Variants in KLF8 observed in about 807,000 individuals in gnomAD.
KLF8 encodes the protein KLF transcription factor 8, also known as Krueppel-like factor 8.
In KLF8, 10 loss-of-function variants were observed where a neutral mutation model predicts 18.2. That is an observed-to-expected ratio of 0.55 (90% CI 0.34 to 0.93). The LOEUF (loss-of-function observed/expected upper bound fraction) is 0.93, where lower values mean the gene tolerates loss of function less well. Among genes scored for constraint, KLF8 ranks in the 40% least tolerant of loss-of-function variants. KLF8 has a pLI of 0.02. For synonymous variants in KLF8, 109 were observed against 97.3 expected, an observed-to-expected ratio of 1.12 and a Z score of -0.71; for missense variants, 264 against 277.9, an observed-to-expected ratio of 0.95 and a Z score of 0.36.
chrX:56,090,287 G>A, the KLF8 span, among the ~76,000 whole-genome samples: 9 of 111,822 alleles, frequency 8.0e-5, no homozygotes, highest in African/African-American at 2.6e-4. Context: ...CAACCTAACT[G>A]CTAGACAGAA....
chrX:55,999,885 TA>T, the KLF8 span, among the ~76,000 whole-genome samples: 2 of 112,235 alleles, frequency 1.8e-5, no homozygotes, highest in African/African-American at 3.2e-5. Flanking sequence ...CTAAGTTGAA[TA>T]GAAATGTTCA....
At chrX:56,084,025 G>T in the KLF8 span, among the ~76,000 whole-genome samples, 1 of 111,393 alleles carries the variant, frequency 9.0e-6, no homozygotes. Context: ...AATTTTACAA[G>T]ACAGGAACAA....
At chrX:56,185,711 G>A in the KLF8 span, among the ~76,000 whole-genome samples, 5,080 of 111,613 alleles carry the variant, frequency 0.046, 296 homozygotes, top group African/African-American at 0.16. Flanking sequence ...GAGAGTGGGG[G>A]CCAATATTCA....
chrX:56,102,877 A>G, the KLF8 span, among the ~76,000 whole-genome samples: 64 of 105,766 alleles, frequency 6.1e-4, no homozygotes, highest in East Asian at 0.01. Context: ...CATTAGGTAT[A>G]TCTCCTAATG....
the KLF8 span, among the ~76,000 whole-genome samples, chrX:56,065,145 A>G: frequency 1.8e-5 from 2 of 111,899 alleles, no homozygotes; most frequent in African/African-American, 6.5e-5. Context: ...AGGCTTAGGA[A>G]GTTTACAGCT....
the KLF8 span, among the ~76,000 whole-genome samples, chrX:56,022,160 A>G: frequency 9.0e-6 from 1 of 111,016 alleles, no homozygotes; most frequent in African/African-American, 3.3e-5. Context: ...AAAACCAATG[A>G]GAACACTGGC....
At chrX:56,262,529 A>G (rs2066896984) in intron 2 of KLF8, among the ~76,000 whole-genome samples, 1 of 111,455 alleles carries the variant, frequency 9.0e-6, no homozygotes. Context: ...CAGCTTTTTC[A>G]GGTTTCTTAG....
chrX:55,994,552 T>G, the KLF8 span, among the ~76,000 whole-genome samples: 3 of 109,373 alleles, frequency 2.7e-5, no homozygotes, highest in East Asian at 8.5e-4. Context: ...TGGATGGGGG[T>G]GTTTAGTGCT....
chrX:56,020,975 T>A, the KLF8 span, among the ~76,000 whole-genome samples: 1 of 112,104 alleles, frequency 8.9e-6, no homozygotes, highest in Non-Finnish European at 1.9e-5. Context: ...TCCTCTTCAG[T>A]CAGAATATGT....
At chrX:56,268,163 T>G (rs1309991366) in intron 3 of KLF8, 1 of 111,422 alleles carries the variant, frequency 9.0e-6, no homozygotes, top group Non-Finnish European at 1.9e-5. Context: ...TAATATTATA[T>G]TGTATATATA....
chrX:56,058,061 C>T, the KLF8 span, among the ~76,000 whole-genome samples: 67 of 101,921 alleles, frequency 6.6e-4, no homozygotes, highest in African/African-American at 2.4e-3. Context: ...CTCCGTCTTG[C>T]TAGCTACTGT....
the KLF8 span, among the ~76,000 whole-genome samples, chrX:56,136,254 AAAGT>A: frequency 9.0e-6 from 1 of 111,454 alleles, no homozygotes; most frequent in Admixed American, 9.6e-5. Flanking sequence ...AAACTACTTT[AAAGT>A]AAGTTCATAT....
the KLF8 span, among the ~76,000 whole-genome samples, chrX:56,062,772 C>T: frequency 1.8e-5 from 2 of 111,071 alleles, no homozygotes; most frequent in Non-Finnish European, 3.8e-5. Context: ...CAACTTGGTT[C>T]CATTCTTTCA....
the KLF8 span, among the ~76,000 whole-genome samples, chrX:56,102,449 C>T: frequency 9.0e-6 from 1 of 110,953 alleles, no homozygotes; most frequent in African/African-American, 3.3e-5. Context: ...ATTTTGGTTC[C>T]GCATGTATTT....
intron 4 of KLF8, 78 bp from the exon 5 acceptor site, chrX:56,270,104 C>A: frequency 1.0e-6 from 1 of 964,707 alleles, no homozygotes; most frequent in Non-Finnish European, 1.4e-6. Flanking sequence ...TATGATGTGG[C>A]ACCAATGAAT....
the KLF8 span, among the ~76,000 whole-genome samples, chrX:55,921,134 C>T: frequency 8.9e-6 from 1 of 112,161 alleles, no homozygotes; most frequent in Non-Finnish European, 1.9e-5. Context: ...ATGCATCTGA[C>T]AAAGGTCTAA....
chrX:56,250,185 G>A, intron 1 of KLF8, 46 bp from the exon 2 acceptor site: 1 of 976,934 alleles, frequency 1.0e-6, no homozygotes, highest in South Asian at 2.0e-5. Flanking sequence ...CATATAGTGG[G>A]TTAGATTTTA....
chrX:56,046,858 C>T, the KLF8 span, among the ~76,000 whole-genome samples: 4 of 111,183 alleles, frequency 3.6e-5, no homozygotes, highest in South Asian at 3.8e-4. Flanking sequence ...TGTGCTTAGG[C>T]GATGATCTTT....
At chrX:56,067,335 T>A in the KLF8 span, among the ~76,000 whole-genome samples, 1 of 108,726 alleles carries the variant, frequency 9.2e-6, no homozygotes, top group East Asian at 3.0e-4. Context: ...TTTTTACATA[T>A]CAGATTTTTG....
Sources: gnomAD v4.1 joint callset for allele counts (sites outside exome capture counted in the v4.1 genomes callset) on GRCh38, gnomAD v4.1.1 for gene constraint, MANE v1.5 for transcripts, NCBI Gene and HGNC (gene_info 2026-07-23, HGNC 2026-07-21) for gene names.